ENPP3: variants seen among roughly 807,000 people sequenced by gnomAD.
ENPP3 encodes ectonucleotide pyrophosphatase/phosphodiesterase 3, also known as ectonucleotide pyrophosphatase/phosphodiesterase family member 3.
ENPP3 carries 104 observed loss-of-function variants against 117.8 expected under a neutral mutation model. The ratio of observed to expected loss-of-function variants is 0.88; its 90% CI spans 0.75 to 1.04. ENPP3 has a LOEUF of 1.04. Ranked by LOEUF, ENPP3 falls within the 50% of genes least tolerant of loss-of-function variation. ENPP3 has a pLI of 0.00. For synonymous variants in ENPP3, 380 were observed against 349.9 expected, an observed-to-expected ratio of 1.09 and a Z score of -0.96; for missense variants, 1,026 against 1,051.9, an observed-to-expected ratio of 0.98 and a Z score of 0.34.
chr6:131,722,006 C>T (rs550188793), intron 17 of ENPP3, among the ~76,000 whole-genome samples: 1 of 152,264 alleles, frequency 6.6e-6, no homozygotes, highest in East Asian at 1.9e-4. Context: ...ACTACAGGTG[C>T]ACTGCCGCAC....
At position 131,637,344 on chromosome 6, in the gene ENPP3, A is replaced by T. The variant is rs371401220; in HGVS notation, c.-41A>T. ...CAGACTAGACTAAAGAAGGAGCACT[A>T]ATTTATTCTGATAAAACAGGTCTAT... is the stretch of plus-strand genomic sequence containing the variant. On this transcript the variant is annotated 5_prime_UTR_variant, in exon 1 of 25. Transcript: ENST00000357639. 1 of 1,296,188 alleles carries T rather than the reference A, an allele frequency of 7.7e-7. No homozygotes were observed. Among genetic ancestry groups the T allele is most frequent in the South Asian group, 1.4e-5 (1 of 70,062 alleles). The allele number at this position is 1,296,188 out of a possible 1,614,324, so 80.3% of individuals were successfully genotyped here. A position where few individuals can be genotyped will look rare whatever the true frequency, so the allele number is the denominator to read the frequency against.
intron 11 of ENPP3, among the ~76,000 whole-genome samples, chr6:131,679,089 T>TTCCTTCCTTCCTTC (rs1562447085): frequency 1.2e-5 from 1 of 80,468 alleles, no homozygotes; most frequent in African/African-American, 6.1e-5. Context: ...TTCTTTCTTT[T>TTCCTTCCTTCCTTC]CTTCTTTCTT....
At chr6:131,649,162 A>G (rs1421503973) in intron 2 of ENPP3, among the ~76,000 whole-genome samples, 1 of 152,024 alleles carries the variant, frequency 6.6e-6, no homozygotes, top group Non-Finnish European at 1.5e-5. Flanking sequence ...TCAGGCCCTT[A>G]TCATTTTTTT....
intron 21 of ENPP3, 47 bp from the exon 22 acceptor site, chr6:131,737,308 A>T: frequency 1.7e-6 from 2 of 1,180,404 alleles, no homozygotes; most frequent in South Asian, 1.3e-5. Flanking sequence ...GCAGTATGTC[A>T]TATTTTCTCT....
intron 11 of ENPP3, 83 bp downstream of exon 11, chr6:131,678,023 C>A: frequency 1.3e-6 from 1 of 775,330 alleles, no homozygotes. Context: ...TATTCTTTAA[C>A]TTCTACTGAG....
At position 131,740,316 on chromosome 6, in the gene ENPP3, C is replaced by T. The variant is rs1312860452; in HGVS notation, c.2393C>T (p.Pro798Leu). The change falls in exon 24 of 25, where the codon CCT (proline) becomes CTT (leucine). Residue 798 changes from proline (P) to leucine (L), a missense_variant. Transcript: ENST00000357639. The stretch of plus-strand genomic sequence containing the variant: ...AAGAGCCACACACCGGAAAACTGCC[C>T]TGGGTGGCTGGATGTCCTACCCTTT... ...KNKSHTPENC[P>L]GWLDVLPFII... 3.7e-6 allele frequency: 6 copies of T among 1,613,086 alleles called. No homozygotes were observed. The Admixed American group carries it at 1.0e-4, about 27-fold the overall frequency.
chr6:131,637,466 A>G lies in ENPP3; in HGVS notation c.78+4A>G. 2 of 1,478,488 alleles carry G rather than the reference A, an allele frequency of 1.4e-6. No individual in the cohort carries two copies. Among genetic ancestry groups the G allele is most frequent in the African/African-American group, 1.4e-5 (1 of 71,390 alleles). 91.6% of individuals were successfully genotyped at this position (1,478,488 alleles called of 1,614,324 possible). A position where few individuals can be genotyped will look rare whatever the true frequency, so the allele number is the denominator to read the frequency against. ...GAAATATAAAATAGCTTGCATTGTA[A>G]GTACAATTCTTATTTTTAGTCTTTC... is the stretch of plus-strand genomic sequence containing the variant. On this transcript the variant is annotated splice_donor_region_variant and intron_variant, in intron 1 of 24. Coordinates refer to ENST00000357639, the MANE Select transcript of ENPP3 (RefSeq NM_005021.5).
In ENPP3 at chr6:131,658,370, C is replaced by T. The variant is rs368494962; in HGVS notation, c.512C>T (p.Ala171Val). The change falls in exon 6 of 25, where the codon GCT becomes GTT. Residue 171 changes from alanine (A) to valine (V), a missense_variant. Transcript: ENST00000357639. ...VILFSMDGFR[A>V]EYLYTWDTLM... ...TTGTTTTCTATGGATGGATTTAGAG[C>T]TGAATATTTATACACATGGGATACT... is the stretch of plus-strand genomic sequence containing the variant. 44 of 1,609,190 alleles carry T rather than the reference C, an allele frequency of 2.7e-5. No individual in the cohort carries two copies. Among genetic ancestry groups the T allele is most frequent in the Non-Finnish European group, 3.7e-5 (43 of 1,175,880 alleles).
chr6:131,683,569 T>G (rs1779079196), intron 12 of ENPP3, among the ~76,000 whole-genome samples: 2 of 152,084 alleles, frequency 1.3e-5, no homozygotes, highest in Admixed American at 6.6e-5. Flanking sequence ...AATAGATGTG[T>G]GTTTATTCAT....
chr6:131,692,894 A>G (rs1779315130), intron 14 of ENPP3, among the ~76,000 whole-genome samples: 1 of 146,212 alleles, frequency 6.8e-6, no homozygotes, highest in South Asian at 2.1e-4. Flanking sequence ...ATTATACACT[A>G]TATATGATAT....
intron 20 of ENPP3, among the ~76,000 whole-genome samples, chr6:131,728,584 T>A (rs969132872): frequency 3.9e-5 from 6 of 152,216 alleles, no homozygotes; most frequent in African/African-American, 1.4e-4. Context: ...TAGTGTGTTG[T>A]GGTTCAAGAA....
At chr6:131,717,745 A>T (rs749223376) in intron 15 of ENPP3, among the ~76,000 whole-genome samples, 4 of 152,326 alleles carry the variant, frequency 2.6e-5, no homozygotes, top group Non-Finnish European at 5.9e-5. Flanking sequence ...GAATTTACAG[A>T]ATATACTAGC....
intron 2 of ENPP3, among the ~76,000 whole-genome samples, chr6:131,643,708 G>A (rs114142337): frequency 0.012 from 1,775 of 152,058 alleles, 34 homozygotes; most frequent in African/African-American, 0.041. Flanking sequence ...CAGATTTACC[G>A]TCATGACTAC....
intron 5 of ENPP3, 143 bp downstream of exon 5, chr6:131,653,034 G>C: frequency 1.9e-6 from 1 of 513,316 alleles, no homozygotes; most frequent in East Asian, 3.1e-5. Context: ...TAGATTTCTT[G>C]TGGCTTCCAA....
At chr6:131,673,233 T>G (rs1329319864) in intron 7 of ENPP3, among the ~76,000 whole-genome samples, 1 of 152,144 alleles carries the variant, frequency 6.6e-6, no homozygotes, top group African/African-American at 2.4e-5. Flanking sequence ...TCCATATGTG[T>G]GGGTTCTGAA....
At chr6:131,697,608 T>G (rs1489969814) in intron 15 of ENPP3, among the ~76,000 whole-genome samples, 1 of 151,358 alleles carries the variant, frequency 6.6e-6, no homozygotes, top group Non-Finnish European at 1.5e-5. Flanking sequence ...CTGGGGGCGA[T>G]GGGAGACAGT....
chr6:131,645,447 A>G (rs544725918), intron 2 of ENPP3, among the ~76,000 whole-genome samples: 30 of 152,186 alleles, frequency 2.0e-4, no homozygotes, highest in African/African-American at 6.0e-4. Flanking sequence ...GCTCTAATCC[A>G]TGTTGGTTGC....
At chr6:131,717,680 C>T (rs1467465863) in intron 15 of ENPP3, among the ~76,000 whole-genome samples, 1 of 151,948 alleles carries the variant, frequency 6.6e-6, no homozygotes, top group African/African-American at 2.4e-5. Flanking sequence ...AATAATAAAG[C>T]TACAGCCTAT....
At position 131,692,029 on chromosome 6, in the gene ENPP3, T is replaced by G. The variant is rs191468730; in HGVS notation, c.1285-1468T>G. 5.9e-5 allele frequency among the ~76,000 whole-genome samples: 9 copies of G among 152,278 alleles called. No individual in the cohort carries two copies. The East Asian group carries it at 1.7e-3, about 29-fold the overall frequency. On this transcript the variant is annotated intron_variant, in intron 14 of 24. Coordinates refer to ENST00000357639, the MANE Select transcript of ENPP3 (RefSeq NM_005021.5). ...CTCCTTGCTCTCCCATTGTCTATAT[T>G]TTGTTTAAATTTTGTTTGTGTAAAT...
Sources: allele counts gnomAD v4.1 joint callset (sites outside exome capture counted in the v4.1 genomes callset), GRCh38; gene constraint gnomAD v4.1.1; transcripts MANE v1.5; gene names NCBI Gene and HGNC (gene_info 2026-07-23, HGNC 2026-07-21).